The following CDYL2 variants were observed in gnomAD, a reference collection of about 807,000 sequenced individuals.
CDYL2 encodes chromodomain Y-like protein 2.
Under a neutral mutation model 49.4 loss-of-function variants are expected in CDYL2, and 23 were observed. The observed-to-expected ratio is 0.47, with a 90% CI of 0.34 to 0.66. The LOEUF (loss-of-function observed/expected upper bound fraction) is 0.66, where lower values mean the gene tolerates loss of function less well. Ranked by LOEUF, CDYL2 falls within the 30% of genes least tolerant of loss-of-function variation. CDYL2 has a pLI of 0.01. For synonymous variants in CDYL2, 360 were observed against 268.8 expected (o/e 1.34, Z -3.32); for missense variants, 678 against 656.4 (o/e 1.03, Z -0.36).
At chr16:80,722,749 A>G (rs1905041186) in intron 1 of CDYL2, among the ~76,000 whole-genome samples, 1 of 152,184 alleles carries the variant, frequency 6.6e-6, no homozygotes, top group Non-Finnish European at 1.5e-5. Context: ...TAGGAGCTGG[A>G]ATTCAAGGAT....
intron 1 of CDYL2, among the ~76,000 whole-genome samples, chr16:80,764,933 GC>G: frequency 6.6e-6 from 1 of 150,926 alleles, no homozygotes; most frequent in East Asian, 2.0e-4. Context: ...AGTGGTTGGC[GC>G]CTGTAGTCCC....
At chr16:80,794,306 G>A (rs559509976) in intron 1 of CDYL2, among the ~76,000 whole-genome samples, 6 of 152,290 alleles carry the variant, frequency 3.9e-5, no homozygotes, top group Admixed American at 6.5e-5. Flanking sequence ...TTTGACTGGG[G>A]TGACTGTGCT....
In CDYL2 at chr16:80,701,536, C is replaced by T. The variant is rs563822969; in HGVS notation, c.25-16407G>A. 2.0e-5 allele frequency among the ~76,000 whole-genome samples: 3 copies of T among 152,092 alleles called. No homozygotes were observed. The South Asian group carries it at 6.2e-4, about 32-fold the overall frequency. ...AACATATCATGGGGAAAAATGAGCA[C>T]ATTCCAAAAAACAACCAAAAAAACA... On this transcript the variant is annotated intron_variant, in intron 1 of 6. Transcript: ENST00000570137.
In CDYL2 at chr16:80,612,499, T is replaced by A; in HGVS notation, c.1218+127A>T. On this transcript the variant is annotated intron_variant, in intron 5 of 6. Transcript: ENST00000570137. This position sits in a 1 kb window ranked among gnomAD's most constrained non-coding sequence, Gnocchi z 5.0. ...TCTGGCACTGAAGGTGTGAAGGACA[T>A]GAGGCAGCCAAGCCAATCTGCAGGC... 2 of 878,182 alleles carry A rather than the reference T, an allele frequency of 2.3e-6. No individual in the cohort carries two copies. The highest frequency in any genetic ancestry group is 3.5e-6 in the Non-Finnish European group (2 of 571,632). 54.4% of individuals were successfully genotyped at this position (878,182 alleles called of 1,614,324 possible).
chr16:80,707,569 A>C (rs890659833), intron 1 of CDYL2, among the ~76,000 whole-genome samples: 3 of 152,248 alleles, frequency 2.0e-5, no homozygotes, highest in African/African-American at 7.2e-5. Context: ...TAAATGCTCC[A>C]GTTGGGAACA....
intron 4 of CDYL2, among the ~76,000 whole-genome samples, chr16:80,613,860 C>G (rs779565686): frequency 6.6e-6 from 1 of 152,200 alleles, no homozygotes; most frequent in African/African-American, 2.4e-5. Flanking sequence ...ATGCCCATTA[C>G]GTTGGTCTGA....
intron 1 of CDYL2, among the ~76,000 whole-genome samples, chr16:80,782,723 T>C (rs1030082150): frequency 7.9e-5 from 12 of 151,814 alleles, no homozygotes; most frequent in Middle Eastern, 6.8e-3. Flanking sequence ...ATATGTCACA[T>C]GAGTAGAATG....
intron 1 of CDYL2, among the ~76,000 whole-genome samples, chr16:80,765,245 C>T (rs73579928): frequency 1.7e-3 from 253 of 149,764 alleles, no homozygotes; most frequent in African/African-American, 5.9e-3. Flanking sequence ...CCTAAAGCTC[C>T]GAGTATCCAT....
chr16:80,667,120 G>T (rs1325049820), intron 2 of CDYL2, among the ~76,000 whole-genome samples: 1 of 152,210 alleles, frequency 6.6e-6, no homozygotes, highest in Non-Finnish European at 1.5e-5. Flanking sequence ...ATTGCTGCTT[G>T]AGCCAGACCT....
At chr16:80,722,123 T>C (rs1905018544) in intron 1 of CDYL2, among the ~76,000 whole-genome samples, 1 of 152,200 alleles carries the variant, frequency 6.6e-6, no homozygotes, top group Admixed American at 6.5e-5. Flanking sequence ...GAGGTGTTTC[T>C]TTTAAAAGTA....
intron 1 of CDYL2, among the ~76,000 whole-genome samples, chr16:80,746,390 C>T (rs904986341): frequency 1.3e-5 from 2 of 152,160 alleles, no homozygotes; most frequent in African/African-American, 4.8e-5. Flanking sequence ...TAGACAAGCT[C>T]GAAATGTTCC....
At chr16:80,788,453 T>G (rs922935950) in intron 1 of CDYL2, among the ~76,000 whole-genome samples, 2 of 152,214 alleles carry the variant, frequency 1.3e-5, no homozygotes, top group African/African-American at 4.8e-5. Flanking sequence ...AGACACCTGT[T>G]TTTGTGCCAT....
chr16:80,745,434 A>G, intron 1 of CDYL2, among the ~76,000 whole-genome samples: 1 of 152,180 alleles, frequency 6.6e-6, no homozygotes, highest in East Asian at 1.9e-4. Context: ...CCCGCAGTAC[A>G]TAATCCCAGC....
intron 1 of CDYL2, among the ~76,000 whole-genome samples, chr16:80,759,129 T>C (rs866078075): frequency 1.2e-4 from 16 of 135,540 alleles, no homozygotes; most frequent in Non-Finnish European, 1.2e-4. Context: ...TATATATATA[T>C]ATATATATAT....
intron 1 of CDYL2, among the ~76,000 whole-genome samples, chr16:80,731,021 T>C (rs1264382458): frequency 6.6e-6 from 1 of 152,156 alleles, no homozygotes; most frequent in Non-Finnish European, 1.5e-5. Context: ...GATATGTTCA[T>C]TAGACTGACA....
At chr16:80,734,574 A>T (rs1905449591) in intron 1 of CDYL2, among the ~76,000 whole-genome samples, 1 of 152,174 alleles carries the variant, frequency 6.6e-6, no homozygotes, top group South Asian at 2.1e-4. Context: ...GCAGCTAAGG[A>T]GAAGCCTTTC....
chr16:80,781,351 A>C (rs951036919), intron 1 of CDYL2, among the ~76,000 whole-genome samples: 2 of 152,218 alleles, frequency 1.3e-5, no homozygotes, highest in Non-Finnish European at 2.9e-5. Flanking sequence ...AACTATAAAC[A>C]TATGTGCATC....
At chr16:80,639,549 G>C in intron 2 of CDYL2, 2 of 380,302 alleles carry the variant, frequency 5.3e-6, no homozygotes, top group South Asian at 4.0e-5. Context: ...AATGGAGCAA[G>C]ATGGCACAAT....
At position 80,737,790 on chromosome 16, in the gene CDYL2, T is replaced by G. The variant is rs527522619; in HGVS notation, c.25-52661A>C. ...AGTCCCCAGGTCTGGGAACCACACT[T>G]TGAGAACCATTTCTCTAAAGAATGC... On this transcript the variant is annotated intron_variant, in intron 1 of 6. Coordinates refer to ENST00000570137, the MANE Select transcript of CDYL2 (RefSeq NM_152342.4). Among the ~76,000 whole-genome samples, 25 of 152,312 alleles carry G rather than the reference T, an allele frequency of 1.6e-4. 1 individual carries two copies. The South Asian group carries it at 5.0e-3, about 30-fold the overall frequency.
Sources: gnomAD v4.1 joint callset for allele counts (sites outside exome capture counted in the v4.1 genomes callset) on GRCh38, gnomAD v4.1.1 for gene constraint, Gnocchi (gnomAD v3.1) non-coding constraint, MANE v1.5 for transcripts, NCBI Gene and HGNC (gene_info 2026-07-23, HGNC 2026-07-21) for gene names.